DCT: variants seen among roughly 807,000 people sequenced by gnomAD.
The protein encoded by DCT is L-dopachrome tautomerase.
DCT carries 47 observed loss-of-function variants against 53.0 expected under a neutral mutation model. The observed-to-expected ratio is 0.89, with a 90% CI of 0.70 to 1.13. DCT has a LOEUF of 1.13. Among genes scored for constraint, DCT ranks in the 50% most tolerant of loss-of-function variants. The probability of loss-of-function intolerance (pLI) is 0.00; values close to 1 mark genes in which losing one functional copy is unlikely to be tolerated. For synonymous variants in DCT, 244 were observed against 237.0 expected (o/e 1.03, Z -0.27); for missense variants, 669 against 637.4 (o/e 1.05, Z -0.53).
chr13:94,495,105 CT>C, the DCT span, among the ~76,000 whole-genome samples: 11 of 151,492 alleles, frequency 7.3e-5, no homozygotes, highest in South Asian at 2.1e-4. Flanking sequence ...TTTATATTTT[CT>C]TTTTTTTTAA....
At chr13:94,441,486 A>G (rs1195371998) in intron 7 of DCT, among the ~76,000 whole-genome samples, 1 of 152,054 alleles carries the variant, frequency 6.6e-6, no homozygotes, top group African/African-American at 2.4e-5. Flanking sequence ...ATCTTGCAAA[A>G]CTGATACATT....
chr13:94,446,296 A>C (rs1348689505), intron 6 of DCT, among the ~76,000 whole-genome samples: 1 of 152,218 alleles, frequency 6.6e-6, no homozygotes, highest in Non-Finnish European at 1.5e-5. Flanking sequence ...CACTATGACT[A>C]TACCATCAGT....
chr13:94,509,571 G>A, the DCT span, among the ~76,000 whole-genome samples: 8 of 152,208 alleles, frequency 5.3e-5, no homozygotes, highest in Non-Finnish European at 1.0e-4. Flanking sequence ...TGGATATGCA[G>A]TGTGAGTGAG....
the DCT span, among the ~76,000 whole-genome samples, chr13:94,530,488 T>C: frequency 6.6e-6 from 1 of 152,148 alleles, no homozygotes; most frequent in Non-Finnish European, 1.5e-5. Flanking sequence ...GTTCAACATA[T>C]GCAAATCAAC....
chr13:94,520,334 T>G, the DCT span, among the ~76,000 whole-genome samples: 1 of 152,218 alleles, frequency 6.6e-6, no homozygotes, highest in Non-Finnish European at 1.5e-5. Flanking sequence ...GAATTAAAAT[T>G]CTGATACCTC....
At chr13:94,481,131 T>G (rs1372240124), upstream of DCT, among the ~76,000 whole-genome samples, 3 of 152,236 alleles carry the variant, frequency 2.0e-5, no homozygotes, top group Non-Finnish European at 4.4e-5. Flanking sequence ...TCCCCATCTG[T>G]CTGTGTTTTT....
chr13:94,448,357 A>G (rs1882863712), intron 6 of DCT, among the ~76,000 whole-genome samples: 1 of 152,244 alleles, frequency 6.6e-6, no homozygotes, highest in Admixed American at 6.5e-5. Flanking sequence ...GAAAATGCAA[A>G]GCATCCAATG....
chr13:94,513,987 CAAAAA>C, the DCT span, among the ~76,000 whole-genome samples: 6 of 53,200 alleles, frequency 1.1e-4, no homozygotes, highest in South Asian at 4.1e-3. Flanking sequence ...AACTCTGTCT[CAAAAA>C]AAAAAAAAAA....
chr13:94,443,873 C>T (rs1461947510), intron 6 of DCT, among the ~76,000 whole-genome samples: 17 of 152,114 alleles, frequency 1.1e-4, no homozygotes, highest in Admixed American at 8.5e-4. Context: ...AAGTTTTCAA[C>T]GATGTATGAA....
intron 6 of DCT, among the ~76,000 whole-genome samples, chr13:94,447,355 C>T (rs8000281): frequency 0.14 from 21,208 of 152,186 alleles, 1,602 homozygotes; most frequent in South Asian, 0.19. Flanking sequence ...GAGTGTGCAA[C>T]CTAGGGCCCT....
chr13:94,479,037 A>T lies in DCT; in HGVS notation c.219T>A (p.Gly73=). Residue 73 remains glycine, a synonymous_variant, in exon 1 of 8, where the codon GGT becomes GGA. Coordinates refer to ENST00000377028, the MANE Select transcript of DCT (RefSeq NM_001922.5). ...CATCCTGGTTTCGTAGGATGTAGGGACCACTCCAGGGCCTTGTGTCGGCTC... is the reference window on the plus strand; with the variant it reads ...CATCCTGGTTTCGTAGGATGTAGGGTCCACTCCAGGGCCTTGTGTCGGCTC... ...EVRADTRPWS[G]PYILRNQDDR... is the part of the protein sequence containing the mutation. 1 of 1,614,134 alleles carries T rather than the reference A, an allele frequency of 6.2e-7. No individual in the cohort carries two copies. Among genetic ancestry groups the T allele is most frequent in the South Asian group, 1.1e-5 (1 of 91,080 alleles).
At chr13:94,537,033 C>A in the DCT span, among the ~76,000 whole-genome samples, 1 of 152,154 alleles carries the variant, frequency 6.6e-6, no homozygotes, top group Non-Finnish European at 1.5e-5. Flanking sequence ...AACCATGAAC[C>A]AAATAAATCT....
At chr13:94,519,918 A>G in the DCT span, among the ~76,000 whole-genome samples, 1 of 152,212 alleles carries the variant, frequency 6.6e-6, no homozygotes, top group Non-Finnish European at 1.5e-5. Context: ...GTCTAAATAC[A>G]TATTGAGTTC....
At chr13:94,481,600 T>C (rs1885449605), upstream of DCT, among the ~76,000 whole-genome samples, 1 of 152,176 alleles carries the variant, frequency 6.6e-6, no homozygotes, top group Admixed American at 6.5e-5. Flanking sequence ...TAGGATCTCT[T>C]TTCTTTCATT....
In DCT at chr13:94,466,558, C is replaced by G; in HGVS notation, c.696G>C (p.Gln232His). 1 of 1,597,324 alleles carries G rather than the reference C, an allele frequency of 6.3e-7. No individual in the cohort carries two copies. The highest frequency in any genetic ancestry group is 8.5e-7 in the Non-Finnish European group (1 of 1,171,606). Residue 232 changes from glutamine to histidine, a missense_variant and splice_region_variant, in exon 3 of 8, where the codon CAG becomes CAC. Gln to His is a conservative substitution (Grantham distance 24, BLOSUM62 0). Transcript: ENST00000377028. ...YHLLCLERDL[Q>H]RLIGNESFAL... The stretch of plus-strand genomic sequence containing the variant: ...AACTAAATGCATAGTTTTGACCTAC[C>G]TGGAGATCTCTTTCCAGACACAACA...
chr13:94,510,911 T>C, the DCT span, among the ~76,000 whole-genome samples: 4 of 152,130 alleles, frequency 2.6e-5, no homozygotes, highest in South Asian at 8.3e-4. Context: ...CTCCACATCT[T>C]CCCCCAACCA....
At chr13:94,497,141 A>T in the DCT span, among the ~76,000 whole-genome samples, 4 of 152,218 alleles carry the variant, frequency 2.6e-5, no homozygotes, top group African/African-American at 9.6e-5. Context: ...GACCTTAAGT[A>T]AAGCAGACTG....
chr13:94,474,885 C>T (rs1884974544), intron 1 of DCT, among the ~76,000 whole-genome samples: 1 of 152,158 alleles, frequency 6.6e-6, no homozygotes, highest in African/African-American at 2.4e-5. Flanking sequence ...ATTATGGAAA[C>T]TATGAGGTGT....
chr13:94,445,679 G>T, intron 6 of DCT: 1 of 1,408,742 alleles, frequency 7.1e-7, no homozygotes, highest in African/African-American at 1.4e-5. Context: ...ACACAACAAA[G>T]GAAAAAAACC....
Sources: gnomAD v4.1 joint callset for allele counts (sites outside exome capture counted in the v4.1 genomes callset) on GRCh38, gnomAD v4.1.1 for gene constraint, MANE v1.5 for transcripts, NCBI Gene and HGNC (gene_info 2026-07-23, HGNC 2026-07-21) for gene names.